The following KPNA6 variants were observed in gnomAD, a reference collection of about 807,000 sequenced individuals.
The protein encoded by KPNA6 is importin subunit alpha-7.
Under a neutral mutation model 72.0 loss-of-function variants are expected in KPNA6, and 9 were observed. The observed-to-expected ratio is 0.13, with a 90% confidence interval of 0.08 to 0.22. KPNA6 has a LOEUF of 0.22. KPNA6 is among the 10% of genes least tolerant of loss of function. The pLI is 1.00. For missense variants in KPNA6, 374 were observed against 655.7 expected (o/e 0.57, Z 4.69); for synonymous variants, 219 against 242.1 (o/e 0.90, Z 0.89).
Position 32,175,803 on chromosome 1 carries a change from AATC to A in KPNA6, c.*4910_*4912del, listed in dbSNP as rs1162861112. 1.3e-5 allele frequency: 2 copies of A among 148,716 alleles called. No homozygotes were observed. The highest frequency in any genetic ancestry group is 3.0e-5 in the Non-Finnish European group (2 of 67,452). 9.2% of individuals were successfully genotyped at this position (148,716 alleles called of 1,614,324 possible). ...ATCTCAAAAAAAAAAAAAAAAAAAA[AATC>A]CACATCTTCAGCTGGGCGCGGTGGC... On this transcript the variant is annotated 3_prime_UTR_variant, in exon 14 of 14. Transcript: ENST00000373625.
intron 12 of KPNA6, 38 bp downstream of exon 12, chr1:32,167,334 G>T (rs754337258): frequency 6.2e-7 from 1 of 1,612,554 alleles, no homozygotes; most frequent in East Asian, 2.2e-5. Flanking sequence ...AATGATAATG[G>T]ATGCTCTCCC....
chr1:32,167,386 C>A, intron 12 of KPNA6, 90 bp downstream of exon 12: 1 of 1,473,234 alleles, frequency 6.8e-7, no homozygotes, highest in Non-Finnish European at 9.4e-7. Context: ...ACTGCTCTTG[C>A]TCAGACAGGT....
At chr1:32,134,105 TG>T (rs1557466091) in intron 1 of KPNA6, among the ~76,000 whole-genome samples, 3 of 151,094 alleles carry the variant, frequency 2.0e-5, no homozygotes, top group Non-Finnish European at 3.0e-5. Flanking sequence ...TTTTTTTTTT[TG>T]TATTTAAAAA....
intron 1 of KPNA6, among the ~76,000 whole-genome samples, chr1:32,129,424 G>C (rs1641597940): frequency 6.6e-6 from 1 of 151,880 alleles, no homozygotes; most frequent in Non-Finnish European, 1.5e-5. Context: ...ATTCAAATGC[G>C]GTTGTTTTTG....
intron 12 of KPNA6, among the ~76,000 whole-genome samples, chr1:32,168,346 C>T (rs143788675): frequency 8.1e-4 from 124 of 152,322 alleles, no homozygotes; most frequent in Middle Eastern, 6.8e-3. Context: ...CGTGCCACCA[C>T]GCCCGGCTAA....
chr1:32,147,605 G>A (rs1194198595), intron 1 of KPNA6, among the ~76,000 whole-genome samples: 4 of 149,484 alleles, frequency 2.7e-5, no homozygotes, highest in Non-Finnish European at 5.9e-5. Context: ...GCCTCTTTTC[G>A]GCACTTTCTT....
chr1:32,162,739 G>A (rs1367746645), intron 9 of KPNA6, among the ~76,000 whole-genome samples: 1 of 152,112 alleles, frequency 6.6e-6, no homozygotes, highest in Non-Finnish European at 1.5e-5. Flanking sequence ...GGAGGCTGAG[G>A]CAGGAGAATC....
chr1:32,144,765 G>T (rs1294340903), intron 1 of KPNA6, among the ~76,000 whole-genome samples: 1 of 151,458 alleles, frequency 6.6e-6, no homozygotes. Flanking sequence ...GTTCTCCTGC[G>T]TCAGCCTCCC....
At chr1:32,127,228 A>G (rs1641552233) in intron 1 of KPNA6, among the ~76,000 whole-genome samples, 1 of 152,242 alleles carries the variant, frequency 6.6e-6, no homozygotes, top group Admixed American at 6.5e-5. Context: ...AACTCAGTTC[A>G]CCTGACCTCC....
At chr1:32,150,159 G>T (rs1642003431) in intron 1 of KPNA6, among the ~76,000 whole-genome samples, 3 of 139,500 alleles carry the variant, frequency 2.2e-5, no homozygotes, top group South Asian at 2.3e-4. Context: ...TTGAGACAGG[G>T]TCTTACTCTA....
chr1:32,118,050 G>T (rs982275755), intron 1 of KPNA6, among the ~76,000 whole-genome samples: 2 of 152,158 alleles, frequency 1.3e-5, no homozygotes, highest in Admixed American at 1.3e-4. Flanking sequence ...AGCCTCCTGA[G>T]TAACTGGGAT....
chr1:32,139,826 A>G (rs537456890), intron 1 of KPNA6, among the ~76,000 whole-genome samples: 2 of 152,364 alleles, frequency 1.3e-5, no homozygotes, highest in South Asian at 4.1e-4. Flanking sequence ...GCAGAAGCAT[A>G]GATATGAATG....
Position 32,173,185 on chromosome 1 carries a change from A to AG in KPNA6, c.*2291_*2292insG, listed in dbSNP as rs1325086133. 2.5e-6 allele frequency: 1 copy of AG among 397,342 alleles called. No individual in the cohort carries two copies. The highest frequency in any genetic ancestry group is 4.4e-6 in the Non-Finnish European group (1 of 225,792). The allele number at this position is 397,342 out of a possible 1,614,324, so 24.6% of individuals were successfully genotyped here. On this transcript the variant is annotated 3_prime_UTR_variant, in exon 14 of 14. Transcript: ENST00000373625. ...TTCTCTTACAGTTTAAAAAAAAAAAAAAAAAAAAAGCCTTCCCCTACCCAA... is the reference window on the plus strand; with the variant it reads ...TTCTCTTACAGTTTAAAAAAAAAAAAGAAAAAAAAAGCCTTCCCCTACCCAA...
At chr1:32,110,357 G>T (rs1641226040) in intron 1 of KPNA6, among the ~76,000 whole-genome samples, 1 of 152,020 alleles carries the variant, frequency 6.6e-6, no homozygotes. Context: ...GAGCCACCGC[G>T]CCTGGCCTGG....
intron 1 of KPNA6, among the ~76,000 whole-genome samples, chr1:32,120,148 T>G (rs1461559520): frequency 6.6e-6 from 1 of 152,234 alleles, no homozygotes; most frequent in Non-Finnish European, 1.5e-5. Context: ...ATTGTCTGTC[T>G]TATTTGTAAA....
intron 1 of KPNA6, among the ~76,000 whole-genome samples, chr1:32,134,563 G>A (rs913825610): frequency 9.9e-5 from 15 of 151,384 alleles, no homozygotes; most frequent in African/African-American, 3.4e-4. Context: ...GCTAGAACCC[G>A]GGAGGCAAAG....
chr1:32,135,713 C>T lies in KPNA6; in HGVS notation c.5-18875C>T, dbSNP rs148374708. On this transcript the variant is annotated intron_variant, in intron 1 of 13. Coordinates refer to ENST00000373625, the MANE Select transcript of KPNA6 (RefSeq NM_012316.5). ...GACCTCTTGGGCTCAAGTGATCTGA[C>T]TGCCTCAGCCTCCCGAAGTGCTGGA... Among the ~76,000 whole-genome samples the T allele has an allele frequency of 6.2e-4, 93 of 150,868 alleles. 1 individual carries two copies. The East Asian group carries it at 0.01, about 17-fold the overall frequency.
chr1:32,164,478 A>G (rs960814935), intron 10 of KPNA6, among the ~76,000 whole-genome samples: 4 of 152,122 alleles, frequency 2.6e-5, no homozygotes, highest in African/African-American at 9.7e-5. Flanking sequence ...CTGCTATGCC[A>G]TCTTACATTC....
chr1:32,109,109 C>T (rs566532406), intron 1 of KPNA6, among the ~76,000 whole-genome samples: 1 of 152,316 alleles, frequency 6.6e-6, no homozygotes, highest in Admixed American at 6.5e-5. Flanking sequence ...GGTAAAGTAA[C>T]TTACCCAAGG....
Sources: allele counts gnomAD v4.1 joint callset (sites outside exome capture counted in the v4.1 genomes callset), GRCh38; gene constraint gnomAD v4.1.1; transcripts MANE v1.5; gene names NCBI Gene and HGNC (gene_info 2026-07-23, HGNC 2026-07-21).